The following ZNF251 variants were observed in gnomAD, a reference collection of about 807,000 sequenced individuals.
ZNF251 encodes zinc finger protein 251.
A neutral mutation model predicts 13.5 loss-of-function variants in ZNF251; 14 were observed. The observed-to-expected ratio is 1.04, with a 90% CI of 0.69 to 1.63. ZNF251 has a LOEUF of 1.63. Among genes scored for constraint, ZNF251 ranks in the 40% most tolerant of loss-of-function variants. ZNF251 has a pLI of 0.00. For synonymous variants in ZNF251, 287 were observed against 295.2 expected, an observed-to-expected ratio of 0.97 and a Z score of 0.28; for missense variants, 764 against 834.9, an observed-to-expected ratio of 0.92 and a Z score of 1.05.
At chr8:144,747,024 T>C (rs1158141963) in intron 4 of ZNF251, among the ~76,000 whole-genome samples, 1 of 152,212 alleles carries the variant, frequency 6.6e-6, no homozygotes, top group Non-Finnish European at 1.5e-5. Flanking sequence ...TTTGCTCTTC[T>C]TTTTCTAGTT....
chr8:144,733,365 A>AC (rs1193393577), intron 4 of ZNF251, among the ~76,000 whole-genome samples: 2 of 152,162 alleles, frequency 1.3e-5, no homozygotes, highest in African/African-American at 4.8e-5. Flanking sequence ...AGATGTTGAG[A>AC]CCCCACCTCT....
rs1052316429 is a variant in ZNF251 at position 144,734,041 on chromosome 8, T to G, written c.278-10659A>C. On this transcript the variant is annotated intron_variant, in intron 4 of 4. Coordinates refer to ENST00000292562, the MANE Select transcript of ZNF251 (RefSeq NM_138367.2). The surrounding 1 kb of genome is among the most constrained non-coding windows in gnomAD (Gnocchi z 4.4). Reference sequence around the variant, plus strand: ...CTGCACGTGCCAGATGCCTAAACTGTGCAGCCTGAATGACTGTTGGGCAGG... The same window carrying G: ...CTGCACGTGCCAGATGCCTAAACTGGGCAGCCTGAATGACTGTTGGGCAGG... 4.6e-5 allele frequency among the ~76,000 whole-genome samples: 7 copies of G among 152,176 alleles called. No individual in the cohort carries two copies. Among genetic ancestry groups the G allele is most frequent in the African/African-American group, 1.7e-4 (7 of 41,448 alleles).
At chr8:144,737,222 C>T (rs137911845) in intron 4 of ZNF251, among the ~76,000 whole-genome samples, 6 of 151,686 alleles carry the variant, frequency 4.0e-5, no homozygotes, top group South Asian at 4.2e-4. Flanking sequence ...CTCAGCCTCC[C>T]GAGTAGCTAG....
rs1823827263 is a variant in ZNF251, at chr8:144,734,732, A to C, written c.278-11350T>G. Among the ~76,000 whole-genome samples the C allele has an allele frequency of 6.6e-6, 1 of 152,212 alleles. No individual in the cohort carries two copies. Among genetic ancestry groups the C allele is most frequent in the Non-Finnish European group, 1.5e-5 (1 of 68,052 alleles). Reference sequence around the variant, plus strand: ...AAATCACAGGAGACGGGCGAATTAGAACTGGAGACCAAAATTCCTCTGTGG... The same window carrying C: ...AAATCACAGGAGACGGGCGAATTAGCACTGGAGACCAAAATTCCTCTGTGG... On this transcript the variant is annotated intron_variant, in intron 4 of 4. Transcript: ENST00000292562. The surrounding 1 kb of genome is among the most constrained non-coding windows in gnomAD (Gnocchi z 4.4).
At chr8:144,751,628 T>C (rs1824697239) in intron 4 of ZNF251, among the ~76,000 whole-genome samples, 1 of 152,058 alleles carries the variant, frequency 6.6e-6, no homozygotes, top group Admixed American at 6.6e-5. Context: ...ATAACCCAAA[T>C]AAAGGCCGGA....
At chr8:144,739,125 C>T (rs185428734) in intron 4 of ZNF251, among the ~76,000 whole-genome samples, 11 of 151,840 alleles carry the variant, frequency 7.2e-5, no homozygotes, top group South Asian at 2.1e-4. Flanking sequence ...ACTCCCATCA[C>T]GACTCCACCC....
intron 4 of ZNF251, among the ~76,000 whole-genome samples, chr8:144,747,528 G>C (rs764842548): frequency 6.6e-6 from 1 of 152,238 alleles, no homozygotes; most frequent in African/African-American, 2.4e-5. Context: ...GTCCATTTAC[G>C]ATAGAGGGTG....
chr8:144,755,289 C>T (rs930492354), intron 1 of ZNF251, 116 bp downstream of exon 1: 1 of 1,237,554 alleles, frequency 8.1e-7, no homozygotes, highest in African/African-American at 1.6e-5. Context: ...TCGGTGGCTC[C>T]CGCGGCACCC....
At chr8:144,755,025 C>A (rs1388034919) in intron 1 of ZNF251, 3 of 1,375,206 alleles carry the variant, frequency 2.2e-6, no homozygotes, top group Non-Finnish European at 2.8e-6. Context: ...GGGGTGAAAG[C>A]TGGCAGTTCC....
chr8:144,743,343 C>G lies in ZNF251; in HGVS notation c.277+10340G>C, dbSNP rs912107096. The stretch of plus-strand genomic sequence containing the variant: ...CCTCCCAAAGTGCTGGGGTTACAGG[C>G]ATGAAGCACCGTGCCCGGCCAATCA... On this transcript the variant is annotated intron_variant, in intron 4 of 4. Transcript: ENST00000292562. Among the ~76,000 whole-genome samples the G allele has an allele frequency of 2.6e-5, 4 of 152,312 alleles. No individual in the cohort carries two copies. In the East Asian group the frequency reaches 7.7e-4, roughly 29 times the overall value.
At position 144,724,379 on chromosome 8, in the gene ZNF251, G is replaced by A. The variant is rs765644342; in HGVS notation, c.278-997C>T. Among the ~76,000 whole-genome samples, 105 of 151,922 alleles carry A rather than the reference G, an allele frequency of 6.9e-4. 4 individuals are homozygous for A. The highest frequency in any genetic ancestry group is 1.5e-4 in the Non-Finnish European group (10 of 68,024). ...AGTGTCTTGCTCTGTTTCCCAGGCT[G>A]GAGTGCCACGGTGCAACCACAGTTC... is the stretch of plus-strand genomic sequence containing the variant. On this transcript the variant is annotated intron_variant, in intron 4 of 4. Transcript: ENST00000292562.
chr8:144,748,522 CTTTTT>C (rs1023970710), intron 4 of ZNF251, among the ~76,000 whole-genome samples: 1 of 151,098 alleles, frequency 6.6e-6, no homozygotes, highest in Admixed American at 6.6e-5. Context: ...GGCTTCTTTT[CTTTTT>C]TTTTGTTCAT....
intron 4 of ZNF251, among the ~76,000 whole-genome samples, chr8:144,732,770 C>T (rs1390247044): frequency 1.4e-5 from 2 of 148,032 alleles, no homozygotes; most frequent in Non-Finnish European, 3.0e-5. Flanking sequence ...CAAGATCGCA[C>T]CACTGCACTC....
At chr8:144,729,879 A>G (rs1245187057) in intron 4 of ZNF251, among the ~76,000 whole-genome samples, 1 of 152,066 alleles carries the variant, frequency 6.6e-6, no homozygotes, top group Non-Finnish European at 1.5e-5. Flanking sequence ...CAAAACCAAA[A>G]CAGATCTCTC....
intron 4 of ZNF251, among the ~76,000 whole-genome samples, chr8:144,746,614 G>T (rs1824442538): frequency 6.6e-6 from 1 of 152,126 alleles, no homozygotes; most frequent in African/African-American, 2.4e-5. Context: ...ACCCATCTGA[G>T]CCCAGTGGAT....
chr8:144,724,588 A>G (rs1047750998), intron 4 of ZNF251, among the ~76,000 whole-genome samples: 1 of 152,202 alleles, frequency 6.6e-6, no homozygotes, highest in African/African-American at 2.4e-5. Flanking sequence ...CCTAGGATCC[A>G]TCCTAAGTGG....
chr8:144,730,443 C>T (rs1468199355), intron 4 of ZNF251, among the ~76,000 whole-genome samples: 2 of 84 alleles, frequency 0.024, no homozygotes, highest in African/African-American at 0.029. Flanking sequence ...CGGGGCGTCC[C>T]GGGGGTGACA....
intron 1 of ZNF251, chr8:144,755,191 C>T (rs1824902044): frequency 8.5e-7 from 1 of 1,170,876 alleles, no homozygotes; most frequent in African/African-American, 1.7e-5. Context: ...GCCCCAGGCT[C>T]CGGGGAGAGG....
In ZNF251 at chr8:144,728,366, T is replaced by TA. The variant is rs902154632; in HGVS notation, c.278-4985dup. ...AGATCACAGAGCACCATAACAGATA[T>TA]AAAAAAAAGGTTTGAGGCCAGGCGC... On this transcript the variant is annotated intron_variant, in intron 4 of 4. Transcript: ENST00000292562. Among the ~76,000 whole-genome samples, 56 of 151,380 alleles carry TA rather than the reference T, an allele frequency of 3.7e-4. 1 individual carries two copies. The highest frequency in any genetic ancestry group is 1.1e-3 in the African/African-American group (45 of 41,288).
Sources: allele counts gnomAD v4.1 joint callset (sites outside exome capture counted in the v4.1 genomes callset), GRCh38; gene constraint gnomAD v4.1.1; non-coding constraint Gnocchi (gnomAD v3.1); transcripts MANE v1.5; gene names NCBI Gene and HGNC (gene_info 2026-07-23, HGNC 2026-07-21).